UBE3D: variants seen among roughly 807,000 people sequenced by gnomAD.
UBE3D encodes ubiquitin protein ligase E3D, also known as E3 ubiquitin-protein ligase E3D.
UBE3D carries 48 observed loss-of-function variants against 49.6 expected under a neutral mutation model. The observed-to-expected ratio is 0.97, with a 90% confidence interval of 0.77 to 1.23. UBE3D has a LOEUF of 1.23. Ranked by LOEUF, UBE3D falls within the 50% of genes most tolerant of loss-of-function variation. The probability of loss-of-function intolerance (pLI) is 0.00; values close to 1 mark genes in which losing one functional copy is unlikely to be tolerated. For synonymous variants in UBE3D, 189 were observed against 174.2 expected, an observed-to-expected ratio of 1.08 and a Z score of -0.67; for missense variants, 452 against 468.4, an observed-to-expected ratio of 0.96 and a Z score of 0.32.
At chr6:82,883,123 T>C in the UBE3D span, among the ~76,000 whole-genome samples, 1 of 152,204 alleles carries the variant, frequency 6.6e-6, no homozygotes, top group South Asian at 2.1e-4. Flanking sequence ...ATTTTACACA[T>C]GAGCAAATAT....
intron 9 of UBE3D, among the ~76,000 whole-genome samples, chr6:82,899,033 T>C (rs1771539607): frequency 6.6e-6 from 1 of 152,000 alleles, no homozygotes. Context: ...AAATTTAAGA[T>C]GGACCTTAAC....
At chr6:82,977,098 AG>A (rs1471357725) in intron 8 of UBE3D, among the ~76,000 whole-genome samples, 1 of 126,720 alleles carries the variant, frequency 7.9e-6, no homozygotes, top group Non-Finnish European at 1.6e-5. Context: ...TGGGTGATAG[AG>A]CAAGACTCCA....
chr6:82,925,187 CA>C lies in UBE3D; in HGVS notation c.1149+32124del, dbSNP rs1369021448. 3 of 152,134 alleles carry C rather than the reference CA, an allele frequency of 2.0e-5. No homozygotes were observed. The East Asian group carries it at 5.8e-4, about 29-fold the overall frequency. The allele number at this position is 152,134 out of a possible 1,614,324, so 9.4% of individuals were successfully genotyped here. ...CCAGTGATACAGATATATCTGTAAG[CA>C]AAGTCTACCTTAACAATAAAATAAT... On this transcript the variant is annotated intron_variant, in intron 9 of 9. Coordinates refer to ENST00000369747, the MANE Select transcript of UBE3D (RefSeq NM_198920.3).
Position 83,044,465 on chromosome 6 carries a change from T to C in UBE3D, c.560A>G (p.Glu187Gly), listed in dbSNP as rs1429596438. Reference sequence around the variant, plus strand: ...GTTGTCAGAAGAAACACAGCACATCTCCACTGGGGATAGTTCAGGTCTTTG... The same window carrying C: ...GTTGTCAGAAGAAACACAGCACATCCCCACTGGGGATAGTTCAGGTCTTTG... ...WQQRPELSPV[E>G]MCCVSSDNHC... Residue 187 changes from glutamate (E) to glycine (G), a missense_variant, in exon 4 of 10, where the codon GAG becomes GGG. Transcript: ENST00000369747. The C allele has an allele frequency of 1.2e-6, 2 of 1,614,094 alleles. No homozygotes were observed. Among genetic ancestry groups the C allele is most frequent in the Non-Finnish European group, 1.7e-6 (2 of 1,179,960 alleles).
intron 9 of UBE3D, 73 bp downstream of exon 9, chr6:82,957,239 A>C: frequency 6.6e-7 from 1 of 1,520,952 alleles, no homozygotes; most frequent in Non-Finnish European, 9.0e-7. Context: ...TCTCCTGTGA[A>C]AGAGAGGATC....
chr6:82,947,710 G>C (rs956188745), intron 9 of UBE3D, among the ~76,000 whole-genome samples: 1 of 151,830 alleles, frequency 6.6e-6, no homozygotes, highest in African/African-American at 2.4e-5. Flanking sequence ...TCAATAACAA[G>C]AGGAATTTTG....
chr6:82,932,334 A>G (rs1431332648), intron 9 of UBE3D, among the ~76,000 whole-genome samples: 1 of 152,126 alleles, frequency 6.6e-6, no homozygotes, highest in East Asian at 1.9e-4. Flanking sequence ...CTTTTTAATG[A>G]TGATTGTCCA....
intron 5 of UBE3D, among the ~76,000 whole-genome samples, chr6:83,032,764 G>A (rs1217904879): frequency 2.0e-5 from 3 of 152,084 alleles, no homozygotes; most frequent in Admixed American, 6.5e-5. Flanking sequence ...GAATCATGGG[G>A]GCGGGGTTTT....
At chr6:83,042,565 C>T (rs935458558) in intron 4 of UBE3D, among the ~76,000 whole-genome samples, 7 of 152,192 alleles carry the variant, frequency 4.6e-5, no homozygotes, top group Non-Finnish European at 8.8e-5. Context: ...AGTGTGGGAA[C>T]TCTACAGAGC....
rs147887758 is a variant in UBE3D at position 83,004,346 on chromosome 6, G to C, written c.1010+14627C>G. ...GAGAGACTACACGATACAATGAAAA[G>C]CACTGAATTTGAAATCAGGACAACC... On this transcript the variant is annotated intron_variant, in intron 8 of 9. Coordinates refer to ENST00000369747, the MANE Select transcript of UBE3D (RefSeq NM_198920.3). Among the ~76,000 whole-genome samples, 1,280 of 152,246 alleles carry C rather than the reference G, an allele frequency of 8.4e-3. 19 individuals are homozygous for C. The highest frequency in any genetic ancestry group is 0.028 in the African/African-American group (1,177 of 41,550).
At chr6:82,911,255 G>T (rs1034319332) in intron 9 of UBE3D, among the ~76,000 whole-genome samples, 1 of 137,100 alleles carries the variant, frequency 7.3e-6, no homozygotes, top group Non-Finnish European at 1.5e-5. Context: ...TTTTGTGACA[G>T]TCTTTTCATT....
rs945375468 is a variant in UBE3D at position 83,065,744 on chromosome 6, C to T, written c.-26G>A. 4 of 1,600,270 alleles carry T rather than the reference C, an allele frequency of 2.5e-6. No homozygotes were observed. In the East Asian group the frequency reaches 9.2e-5, roughly 37 times the overall value. On this transcript the variant is annotated 5_prime_UTR_variant, in exon 1 of 10. Transcript: ENST00000369747. ...GGCAGGCTTCCAGTCCCAGACCGGA[C>T]CAAGCTGGAGGTTCCGAGGGGCCCG...
chr6:82,959,717 C>CAAAAA (rs778278435), intron 8 of UBE3D, among the ~76,000 whole-genome samples: 2 of 37,718 alleles, frequency 5.3e-5, no homozygotes, highest in African/African-American at 1.1e-4. Context: ...GTGAGACCTC[C>CAAAAA]AAAAAAAAAA....
At position 82,904,706 on chromosome 6, in the gene UBE3D, A is replaced by G. The variant is rs115582284; in HGVS notation, c.1150-11664T>C. 5.4e-3 allele frequency among the ~76,000 whole-genome samples: 815 copies of G among 152,280 alleles called. 7 individuals carry two copies. The highest frequency in any genetic ancestry group is 0.018 in the African/African-American group (739 of 41,566). ...CTGCTAATGAACAAATTCATGTTTA[A>G]TTGTTTATTTTTAAAGGAGAAGCAT... On this transcript the variant is annotated intron_variant, in intron 9 of 9. Coordinates refer to ENST00000369747, the MANE Select transcript of UBE3D (RefSeq NM_198920.3).
chr6:82,997,775 G>A (rs1339162364), intron 8 of UBE3D, among the ~76,000 whole-genome samples: 2 of 152,072 alleles, frequency 1.3e-5, no homozygotes, highest in African/African-American at 2.4e-5. Flanking sequence ...TACTTCCAGG[G>A]GCATATATAA....
intron 8 of UBE3D, among the ~76,000 whole-genome samples, chr6:82,998,449 T>C (rs1779396712): frequency 1.3e-5 from 2 of 152,222 alleles, no homozygotes; most frequent in South Asian, 4.1e-4. Flanking sequence ...CGCACCTTTT[T>C]CTTTATACTT....
chr6:82,940,163 T>C (rs1385191550), intron 9 of UBE3D, among the ~76,000 whole-genome samples: 2 of 152,062 alleles, frequency 1.3e-5, no homozygotes, highest in Non-Finnish European at 2.9e-5. Context: ...CTCCACATTC[T>C]CTCTAGAGTA....
intron 8 of UBE3D, among the ~76,000 whole-genome samples, chr6:82,968,444 T>G (rs964429375): frequency 1.7e-4 from 26 of 152,004 alleles, no homozygotes; most frequent in Non-Finnish European, 3.5e-4. Context: ...TGTGTATGTC[T>G]AAAATACTAT....
At chr6:82,895,201 C>G (rs890471805) in intron 9 of UBE3D, among the ~76,000 whole-genome samples, 1 of 152,070 alleles carries the variant, frequency 6.6e-6, no homozygotes, top group Non-Finnish European at 1.5e-5. Flanking sequence ...ATCCCTGCTA[C>G]TTGGGAGGCT....
Sources: gnomAD v4.1 joint callset for allele counts (sites outside exome capture counted in the v4.1 genomes callset) on GRCh38, gnomAD v4.1.1 for gene constraint, MANE v1.5 for transcripts, NCBI Gene and HGNC (gene_info 2026-07-23, HGNC 2026-07-21) for gene names.